The following CAPS2 variants were observed in gnomAD, a reference collection of about 807,000 sequenced individuals.
The protein encoded by CAPS2 is calcyphosin-2.
In CAPS2, 98 loss-of-function variants were observed where a neutral mutation model predicts 86.5. The observed-to-expected ratio is 1.13, with a 90% CI of 0.96 to 1.34. The LOEUF (loss-of-function observed/expected upper bound fraction) is 1.34. Among genes scored for constraint, CAPS2 ranks in the 40% most tolerant of loss-of-function variants. The pLI, the probability that CAPS2 is intolerant of heterozygous loss-of-function variation, is 0.00. For synonymous variants in CAPS2, 210 were observed against 225.1 expected (o/e 0.93, Z 0.60); for missense variants, 729 against 686.8 (o/e 1.06, Z -0.69).
At chr12:75,301,845 G>A (rs928490251) in intron 8 of CAPS2, among the ~76,000 whole-genome samples, 1 of 152,130 alleles carries the variant, frequency 6.6e-6, no homozygotes, top group Non-Finnish European at 1.5e-5. Context: ...TGCCATGTTG[G>A]GTTTTAGATG....
intron 16 of CAPS2, 98 bp downstream of exon 16, chr12:75,282,153 C>T: frequency 1.4e-6 from 1 of 721,364 alleles, no homozygotes; most frequent in Non-Finnish European, 2.4e-6. Context: ...TTATTTCCTC[C>T]CTAATGGCCT....
exon 8 of CAPS2, chr12:75,304,787 C>G (rs931975521): frequency 1.2e-6 from 2 of 1,601,914 alleles, no homozygotes; most frequent in Non-Finnish European, 8.5e-7. Flanking sequence ...TTTTCTAAAT[C>G]GAAGAGGTGT....
In CAPS2 at chr12:75,298,862, A is replaced by G; in HGVS notation, c.950+9T>C. 1 of 1,602,964 alleles carries G rather than the reference A, an allele frequency of 6.2e-7. No individual in the cohort carries two copies. Among genetic ancestry groups the G allele is most frequent in the South Asian group, 1.1e-5 (1 of 90,382 alleles). ...ATCTCCAGAGTTCTAACAATGTTTA[A>G]TGGCATACCTATTTTTCCCAAATTG... On this transcript the variant is annotated intron_variant, in intron 10 of 16. Coordinates refer to ENST00000393284, the Ensembl canonical transcript of CAPS2.
At chr12:75,369,307 CATCTT>C (rs1329846088) in intron 1 of CAPS2, among the ~76,000 whole-genome samples, 4 of 151,524 alleles carry the variant, frequency 2.6e-5, no homozygotes, top group Admixed American at 1.3e-4. Context: ...CATTTTTACT[CATCTT>C]ATTTATTTAT....
intron 1 of CAPS2, among the ~76,000 whole-genome samples, chr12:75,374,289 G>A (rs908732757): frequency 3.3e-5 from 5 of 152,172 alleles, no homozygotes; most frequent in African/African-American, 9.7e-5. Flanking sequence ...GCAGCCTTTC[G>A]AGTTACTCGA....
At chr12:75,331,907 G>T (rs895352303), upstream of CAPS2, among the ~76,000 whole-genome samples, 2 of 152,164 alleles carry the variant, frequency 1.3e-5, no homozygotes, top group Non-Finnish European at 1.5e-5. Context: ...AAAAATTCTG[G>T]TGCACCAACT....
At chr12:75,292,916 T>G (rs2138353793) in intron 12 of CAPS2, among the ~76,000 whole-genome samples, 1 of 151,550 alleles carries the variant, frequency 6.6e-6, no homozygotes, top group South Asian at 2.1e-4. Flanking sequence ...GTGAAAAAAT[T>G]GTTATAGTAT....
upstream of CAPS2, chr12:75,335,047 G>C (rs1251893384): frequency 1.3e-5 from 9 of 716,778 alleles, no homozygotes; most frequent in East Asian, 2.4e-4. Context: ...CACCTTGGTT[G>C]GGCTGTCTCC....
In CAPS2 at chr12:75,325,611, T is replaced by A. The variant is rs1031069344; in HGVS notation, c.82-323A>T. Among the ~76,000 whole-genome samples, 10 of 152,000 alleles carry A rather than the reference T, an allele frequency of 6.6e-5. No homozygotes were observed. The South Asian group carries it at 1.9e-3, about 28-fold the overall frequency. The stretch of plus-strand genomic sequence containing the variant: ...ACTCTAGGGAATTTAGGAAGCTTGT[T>A]TTTTTTTGTTTGTTTTTTTGTTTGT... On this transcript the variant is annotated intron_variant, in intron 1 of 16. Coordinates refer to ENST00000393284, the Ensembl canonical transcript of CAPS2.
intron 1 of CAPS2, chr12:75,370,136 A>T: frequency 6.2e-7 from 1 of 1,604,960 alleles, no homozygotes; most frequent in Non-Finnish European, 8.5e-7. Flanking sequence ...ACAGCCTTTA[A>T]TCCATTCAGC....
chr12:75,334,553 T>G, upstream of CAPS2: 1 of 1,413,226 alleles, frequency 7.1e-7, no homozygotes, highest in Non-Finnish European at 9.2e-7. Context: ...GGAACCCTGC[T>G]GCCTGTTCTT....
intron 16 of CAPS2, among the ~76,000 whole-genome samples, chr12:75,281,298 A>G (rs962643113): frequency 9.9e-5 from 15 of 151,952 alleles, no homozygotes; most frequent in Non-Finnish European, 2.1e-4. Context: ...AAACAGGCCT[A>G]AAGAGTCACA....
chr12:75,325,203 C>T (rs2040652274), intron 2 of CAPS2, 36 bp downstream of exon 3: 3 of 1,535,564 alleles, frequency 2.0e-6, no homozygotes, highest in Admixed American at 2.0e-5. Context: ...TATATGTGCC[C>T]ATTAAACAGT....
intron 4 of CAPS2, among the ~76,000 whole-genome samples, chr12:75,322,274 G>T (rs2040377636): frequency 6.6e-6 from 1 of 152,008 alleles, no homozygotes; most frequent in African/African-American, 2.4e-5. Flanking sequence ...AGAGTCAGTG[G>T]ATAAGAGAAA....
intron 1 of CAPS2, among the ~76,000 whole-genome samples, chr12:75,378,843 A>G (rs2139787867): frequency 6.6e-6 from 1 of 152,308 alleles, no homozygotes; most frequent in Non-Finnish European, 1.5e-5. Flanking sequence ...TAACCATCAC[A>G]TTACTATTTG....
chr12:75,302,791 A>C (rs2138611550), intron 8 of CAPS2, among the ~76,000 whole-genome samples: 1 of 152,366 alleles, frequency 6.6e-6, no homozygotes, highest in East Asian at 1.9e-4. Flanking sequence ...ACTCAACTAC[A>C]TTAGTCTCCA....
chr12:75,336,699 G>T (rs2041760028), intron 1 of CAPS2, among the ~76,000 whole-genome samples: 1 of 151,742 alleles, frequency 6.6e-6, no homozygotes, highest in Admixed American at 6.6e-5. Context: ...CAGTCATAGA[G>T]ATTTTAATCT....
chr12:75,310,590 T>C (rs1018781055), intron 7 of CAPS2, among the ~76,000 whole-genome samples: 14 of 152,172 alleles, frequency 9.2e-5, no homozygotes, highest in African/African-American at 3.4e-4. Flanking sequence ...GCCTGAATTT[T>C]TTAGTAATCC....
At chr12:75,315,550 G>A (rs1369217532) in intron 6 of CAPS2, among the ~76,000 whole-genome samples, 1 of 152,146 alleles carries the variant, frequency 6.6e-6, no homozygotes, top group East Asian at 1.9e-4. Flanking sequence ...GATTCTGGAT[G>A]ATTGTGACCC....
Sources: gnomAD v4.1 joint callset for allele counts (sites outside exome capture counted in the v4.1 genomes callset) on GRCh38, gnomAD v4.1.1 for gene constraint, MANE v1.5 for transcripts, NCBI Gene and HGNC (gene_info 2026-07-23, HGNC 2026-07-21) for gene names.